NRCAM: variants seen among roughly 807,000 people sequenced by gnomAD.
The protein encoded by NRCAM is NgCAM-related cell adhesion molecule.
Under a neutral mutation model 156.5 loss-of-function variants are expected in NRCAM, and 83 were observed. That is an observed-to-expected ratio of 0.53 (90% CI 0.44 to 0.64). The LOEUF is 0.64. NRCAM is among the 30% of genes least tolerant of loss of function. NRCAM has a pLI of 0.00. For synonymous variants in NRCAM, 538 were observed against 563.9 expected (o/e 0.95, Z 0.65); for missense variants, 1,417 against 1,597.3 (o/e 0.89, Z 1.92).
chr7:108,342,898 C>G (rs1191918964), intron 2 of NRCAM, among the ~76,000 whole-genome samples: 1 of 152,198 alleles, frequency 6.6e-6, no homozygotes, highest in Non-Finnish European at 1.5e-5. Context: ...ACTTAAATAT[C>G]AGGCTCTACT....
chr7:108,293,308 C>A (rs996460760), intron 3 of NRCAM, among the ~76,000 whole-genome samples: 5 of 152,158 alleles, frequency 3.3e-5, no homozygotes, highest in African/African-American at 1.2e-4. Flanking sequence ...GCTCTTTTCA[C>A]TCCCCTCCTT....
chr7:108,279,175 C>T (rs2097762805), intron 3 of NRCAM, among the ~76,000 whole-genome samples: 1 of 152,298 alleles, frequency 6.6e-6, no homozygotes. Flanking sequence ...ATAAGTGTAG[C>T]ATGACTAAAA....
At chr7:108,268,636 T>TGGAG (rs2097206534) in intron 3 of NRCAM, among the ~76,000 whole-genome samples, 3 of 8,492 alleles carry the variant, frequency 3.5e-4, no homozygotes, top group Non-Finnish European at 4.5e-4. Flanking sequence ...GGGGGGGGGT[T>TGGAG]GGGGGGGGCG....
intron 11 of NRCAM, among the ~76,000 whole-genome samples, chr7:108,215,327 C>T (rs545189773): frequency 6.6e-6 from 1 of 151,652 alleles, no homozygotes; most frequent in South Asian, 2.1e-4. Context: ...ATTCTCCTGC[C>T]TCAGCCTCCC....
chr7:108,149,592 A>G lies in NRCAM; in HGVS notation c.*318T>C. The G allele has an allele frequency of 3.3e-6, 1 of 306,478 alleles. No individual in the cohort carries two copies. Among genetic ancestry groups the G allele is most frequent in the Non-Finnish European group, 6.0e-6 (1 of 166,882 alleles). 19.0% of individuals were successfully genotyped at this position (306,478 alleles called of 1,614,324 possible). On this transcript the variant is annotated 3_prime_UTR_variant, in exon 33 of 33. Coordinates refer to ENST00000379028, the MANE Select transcript of NRCAM (RefSeq NM_001037132.4). Reference sequence around the variant, plus strand: ...ACACGGGTATGTCCTTTAAATGTGGAGCATTTTTCATGCATCATATTGAAC... The same window carrying G: ...ACACGGGTATGTCCTTTAAATGTGGGGCATTTTTCATGCATCATATTGAAC...
intron 1 of NRCAM, among the ~76,000 whole-genome samples, chr7:108,450,624 A>G (rs1401017093): frequency 6.6e-6 from 1 of 152,064 alleles, no homozygotes; most frequent in Non-Finnish European, 1.5e-5. Context: ...TAAAAAAAGC[A>G]TATTTATTTA....
rs373779688 is a variant in NRCAM, at chr7:108,344,126, C to T, written c.-173-31395G>A. On this transcript the variant is annotated intron_variant, in intron 2 of 32. Coordinates refer to ENST00000379028, the MANE Select transcript of NRCAM (RefSeq NM_001037132.4). ...GCAGTTGGAGCGGTCATCGGCCAAC[C>T]TCCCCAACAGCATTTGGGTTTTCCT... Among the ~76,000 whole-genome samples, 10 of 152,274 alleles carry T rather than the reference C, an allele frequency of 6.6e-5. 1 individual carries two copies. Among genetic ancestry groups the T allele is most frequent in the Admixed American group, 6.5e-4 (10 of 15,290 alleles).
chr7:108,350,741 CT>C (rs966983278), intron 2 of NRCAM, among the ~76,000 whole-genome samples: 1 of 151,980 alleles, frequency 6.6e-6, no homozygotes, highest in African/African-American at 2.4e-5. Context: ...TATTGTTTTT[CT>C]TTTTTTTCTT....
intron 1 of NRCAM, among the ~76,000 whole-genome samples, chr7:108,426,495 TTTTC>T (rs1410666925): frequency 2.0e-5 from 3 of 152,176 alleles, no homozygotes; most frequent in Non-Finnish European, 2.9e-5. Flanking sequence ...TCTGCACCAT[TTTTC>T]TTTCTCTGAG....
intron 11 of NRCAM, among the ~76,000 whole-genome samples, chr7:108,222,950 C>A (rs923962758): frequency 2.6e-5 from 4 of 152,190 alleles, no homozygotes; most frequent in Non-Finnish European, 4.4e-5. Context: ...CTGTCAAAGG[C>A]GCGTCAGTTC....
intron 2 of NRCAM, among the ~76,000 whole-genome samples, chr7:108,324,209 AG>A (rs2099037933): frequency 6.6e-6 from 1 of 152,148 alleles, no homozygotes; most frequent in African/African-American, 2.4e-5. Flanking sequence ...AGATTGAGAC[AG>A]GAAGACCACA....
intron 2 of NRCAM, among the ~76,000 whole-genome samples, chr7:108,339,251 A>C (rs1481924264): frequency 2.6e-5 from 4 of 152,116 alleles, no homozygotes; most frequent in African/African-American, 9.7e-5. Context: ...GGTGAATGAG[A>C]AAAAAATCAC....
At chr7:108,324,877 C>CTTTTTTTTTTT (rs60553976) in intron 2 of NRCAM, among the ~76,000 whole-genome samples, 2 of 82,686 alleles carry the variant, frequency 2.4e-5, no homozygotes, top group African/African-American at 5.1e-5. Flanking sequence ...TGGCACTGTA[C>CTTTTTTTTTTT]TTTTTTTTTT....
chr7:108,356,017 C>T (rs188257359), intron 2 of NRCAM, among the ~76,000 whole-genome samples: 5 of 151,014 alleles, frequency 3.3e-5, no homozygotes, highest in Middle Eastern at 3.4e-3. Flanking sequence ...GGCACCATGT[C>T]GGCTCATTGC....
chr7:108,282,310 T>G (rs901827274), intron 3 of NRCAM, among the ~76,000 whole-genome samples: 1 of 152,226 alleles, frequency 6.6e-6, no homozygotes, highest in Admixed American at 6.5e-5. Context: ...GATACCTCAG[T>G]GCTTATCTCT....
At chr7:108,317,434 T>C (rs565537056) in intron 2 of NRCAM, among the ~76,000 whole-genome samples, 1 of 152,292 alleles carries the variant, frequency 6.6e-6, no homozygotes, top group South Asian at 2.1e-4. Flanking sequence ...AGTAATAGTG[T>C]TTACTTCACC....
At chr7:108,255,003 T>C (rs2096557194) in intron 3 of NRCAM, among the ~76,000 whole-genome samples, 1 of 152,110 alleles carries the variant, frequency 6.6e-6, no homozygotes, top group Admixed American at 6.5e-5. Context: ...TGTAAACAGA[T>C]CCAATGCCCA....
At chr7:108,169,219 T>C (rs1226470935) in intron 28 of NRCAM, among the ~76,000 whole-genome samples, 2 of 152,210 alleles carry the variant, frequency 1.3e-5, no homozygotes, top group African/African-American at 4.8e-5. Context: ...TGATGCTACA[T>C]GCTTGCTACT....
chr7:108,451,349 C>CT (rs1850130019), intron 1 of NRCAM, among the ~76,000 whole-genome samples: 1 of 151,920 alleles, frequency 6.6e-6, no homozygotes, highest in Admixed American at 6.6e-5. Flanking sequence ...GGAACCCCTG[C>CT]GCATTGTTGG....
Sources: gnomAD v4.1 joint callset for allele counts (sites outside exome capture counted in the v4.1 genomes callset) on GRCh38, gnomAD v4.1.1 for gene constraint, MANE v1.5 for transcripts, NCBI Gene and HGNC (gene_info 2026-07-23, HGNC 2026-07-21) for gene names.